Variants in SNX6 observed in about 807,000 individuals in gnomAD.
The protein encoded by SNX6 is sorting nexin 6.
A neutral mutation model predicts 63.0 loss-of-function variants in SNX6; 34 were observed. That is an observed-to-expected ratio of 0.54 (90% CI 0.41 to 0.72). SNX6 has a LOEUF of 0.72. SNX6 is among the 30% of genes least tolerant of loss of function. The pLI, the probability that SNX6 is intolerant of heterozygous loss-of-function variation, is 0.00. For missense variants in SNX6, 398 were observed against 471.4 expected, an observed-to-expected ratio of 0.84 and a Z score of 1.44; for synonymous variants, 170 against 164.2, an observed-to-expected ratio of 1.04 and a Z score of -0.27.
At chr14:34,606,046 C>T (rs372908642) in intron 4 of SNX6, among the ~76,000 whole-genome samples, 1 of 151,758 alleles carries the variant, frequency 6.6e-6, no homozygotes, top group South Asian at 2.1e-4. Flanking sequence ...TGGTGGCAGG[C>T]ACCTGTAATC....
intron 13 of SNX6, among the ~76,000 whole-genome samples, chr14:34,564,580 C>A (rs905159826): frequency 6.6e-6 from 1 of 152,044 alleles, no homozygotes; most frequent in African/African-American, 2.4e-5. Flanking sequence ...GCAATCCCAG[C>A]ACTCTGGGAA....
At chr14:34,581,824 CATTT>C (rs1283900071) in intron 9 of SNX6, among the ~76,000 whole-genome samples, 2 of 151,770 alleles carry the variant, frequency 1.3e-5, no homozygotes, top group Non-Finnish European at 1.5e-5. Flanking sequence ...ACTATCTGTT[CATTT>C]GATTTTTGTT....
chr14:34,629,343 A>G (rs1187970261), intron 2 of SNX6: 2 of 357,364 alleles, frequency 5.6e-6, no homozygotes, highest in Non-Finnish European at 1.1e-5. Context: ...GTTGGATATT[A>G]GAAAAAGTAA....
At chr14:34,612,168 C>T (rs975066191) in intron 2 of SNX6, among the ~76,000 whole-genome samples, 7 of 151,970 alleles carry the variant, frequency 4.6e-5, no homozygotes, top group African/African-American at 7.3e-5. Flanking sequence ...CTTGAACTCC[C>T]GAGCTCAGGC....
chr14:34,570,984 A>G (rs531720318), intron 11 of SNX6, among the ~76,000 whole-genome samples: 16 of 150,936 alleles, frequency 1.1e-4, no homozygotes, highest in Non-Finnish European at 7.4e-5. Flanking sequence ...TGGCTTCCCA[A>G]AGTACTGGGA....
intron 11 of SNX6, chr14:34,568,650 T>TTA (rs1881301512): frequency 3.8e-6 from 3 of 784,716 alleles, no homozygotes; most frequent in African/African-American, 3.5e-5. Context: ...TTTTTTTTTT[T>TTA]AACGAATGAG....
chr14:34,626,004 T>C (rs1408829526), intron 2 of SNX6, among the ~76,000 whole-genome samples: 3 of 152,188 alleles, frequency 2.0e-5, no homozygotes, highest in Non-Finnish European at 4.4e-5. Flanking sequence ...CATTTGTTGC[T>C]GTGTGACCTC....
At chr14:34,622,376 C>T (rs894984328) in intron 2 of SNX6, among the ~76,000 whole-genome samples, 1 of 151,228 alleles carries the variant, frequency 6.6e-6, no homozygotes, top group Non-Finnish European at 1.5e-5. Flanking sequence ...GTCAGGAGAT[C>T]GAGACCTTCC....
intron 1 of SNX6, 65 bp downstream of exon 1, chr14:34,630,046 G>C (rs1228008502): frequency 3.5e-6 from 5 of 1,437,792 alleles, no homozygotes; most frequent in Non-Finnish European, 4.5e-6. Flanking sequence ...CGCGGTCCCC[G>C]CGCCCGCCCC....
chr14:34,613,008 C>T (rs1485651620), intron 2 of SNX6, among the ~76,000 whole-genome samples: 1 of 142,834 alleles, frequency 7.0e-6, no homozygotes, highest in Non-Finnish European at 1.5e-5. Context: ...GAGATCACGC[C>T]ACTGCACTCC....
intron 8 of SNX6, among the ~76,000 whole-genome samples, chr14:34,590,211 G>A (rs1300660238): frequency 2.0e-5 from 3 of 152,102 alleles, no homozygotes; most frequent in African/African-American, 2.4e-5. Flanking sequence ...GGCAGATTAC[G>A]AGGTGAGGAG....
At chr14:34,623,231 G>C (rs1883694452) in intron 2 of SNX6, among the ~76,000 whole-genome samples, 1 of 152,104 alleles carries the variant, frequency 6.6e-6, no homozygotes, top group Admixed American at 6.6e-5. Context: ...AAGCATCTGG[G>C]CCAAATTCAA....
chr14:34,629,833 C>T, intron 2 of SNX6, 74 bp downstream of exon 2: 1 of 1,543,574 alleles, frequency 6.5e-7, no homozygotes, highest in Non-Finnish European at 8.7e-7. Flanking sequence ...GACCCATCCC[C>T]GTACCACACC....
intron 1 of SNX6, 37 bp downstream of exon 1, chr14:34,630,074 C>A (rs1405891119): frequency 1.4e-6 from 2 of 1,455,686 alleles, no homozygotes; most frequent in African/African-American, 1.5e-5. Context: ...CTGCCCCCAC[C>A]GCGCTCCCGG....
intron 6 of SNX6, among the ~76,000 whole-genome samples, chr14:34,599,746 C>A (rs1222947419): frequency 1.3e-5 from 2 of 149,358 alleles, no homozygotes; most frequent in Non-Finnish European, 3.0e-5. Context: ...TGTACTCCAG[C>A]CCGGGCAACA....
intron 10 of SNX6, among the ~76,000 whole-genome samples, chr14:34,579,364 TCCCAATGCTTTG>T (rs1881846487): frequency 6.6e-6 from 1 of 152,118 alleles, no homozygotes; most frequent in African/African-American, 2.4e-5. Flanking sequence ...ATGCCTGTAA[TCCCAATGCTTTG>T]AAGGGTGAGG....
chr14:34,606,810 G>A (rs1188973343), intron 4 of SNX6, among the ~76,000 whole-genome samples: 4 of 151,604 alleles, frequency 2.6e-5, no homozygotes, highest in African/African-American at 9.7e-5. Flanking sequence ...ATGGAGGCTC[G>A]CTCTGTCACA....
chr14:34,603,878 C>T (rs949577181), intron 5 of SNX6, among the ~76,000 whole-genome samples: 1 of 151,956 alleles, frequency 6.6e-6, no homozygotes, highest in African/African-American at 2.4e-5. Flanking sequence ...AAACCCAAAC[C>T]TCGGTGAGCA....
chr14:34,581,634 T>C, intron 9 of SNX6, 34 bp from the exon 10 acceptor site: 1 of 1,308,478 alleles, frequency 7.6e-7, no homozygotes, highest in Non-Finnish European at 1.1e-6. Flanking sequence ...ATATTCTACA[T>C]TCAAAGTAAT....
Sources: allele counts gnomAD v4.1 joint callset (sites outside exome capture counted in the v4.1 genomes callset), GRCh38; gene constraint gnomAD v4.1.1; transcripts MANE v1.5; gene names NCBI Gene and HGNC (gene_info 2026-07-23, HGNC 2026-07-21).